The following CACNA2D3 variants were observed in gnomAD, a reference collection of about 807,000 sequenced individuals.
CACNA2D3 encodes the protein voltage-dependent calcium channel subunit alpha-2/delta-3.
Under a neutral mutation model 160.6 loss-of-function variants are expected in CACNA2D3, and 60 were observed. That is an observed-to-expected ratio of 0.37 (90% CI 0.30 to 0.46). The LOEUF (loss-of-function observed/expected upper bound fraction) is 0.46, where lower values mean the gene tolerates loss of function less well. CACNA2D3 is among the 20% of genes least tolerant of loss of function. The pLI is 1.00. For synonymous variants in CACNA2D3, 558 were observed against 492.9 expected (o/e 1.13, Z -1.75); for missense variants, 1,205 against 1,365.0 (o/e 0.88, Z 1.85).
At chr3:55,073,102 T>C (rs17054781) in intron 35 of CACNA2D3, among the ~76,000 whole-genome samples, 14,640 of 152,182 alleles carry the variant, frequency 0.096, 829 homozygotes, top group African/African-American at 0.15. Flanking sequence ...GTTTAGGCTC[T>C]GGGAGAAGGA....
rs536029809 is a variant in CACNA2D3 at position 55,004,676 on chromosome 3, A to G, written c.2691-87A>G. The stretch of plus-strand genomic sequence containing the variant: ...GTTTGTCACCGTTGCACTTGATGAT[A>G]GTGACTGCTCACCTTGTAGTACATA... On this transcript the variant is annotated intron_variant, in intron 31 of 37. Transcript: ENST00000474759. 8.8e-4 allele frequency: 741 copies of G among 840,186 alleles called. 1 individual carries two copies. The highest frequency in any genetic ancestry group is 1.3e-3 in the Non-Finnish European group (637 of 496,830). The allele number at this position is 840,186 out of a possible 1,614,324, so 52.0% of individuals were successfully genotyped here. A position where few individuals can be genotyped will look rare whatever the true frequency, so the allele number is the denominator to read the frequency against.
chr3:54,937,829 A>G (rs1665936314), intron 27 of CACNA2D3, among the ~76,000 whole-genome samples: 1 of 152,130 alleles, frequency 6.6e-6, no homozygotes, highest in Non-Finnish European at 1.5e-5. Flanking sequence ...GGGCATGATC[A>G]CAGCACAGAG....
At chr3:54,514,576 G>A (rs781206788) in intron 5 of CACNA2D3, among the ~76,000 whole-genome samples, 1 of 152,148 alleles carries the variant, frequency 6.6e-6, no homozygotes, top group Non-Finnish European at 1.5e-5. Flanking sequence ...GAAGGCAGGC[G>A]GGAAGTCAGC....
intron 2 of CACNA2D3, among the ~76,000 whole-genome samples, chr3:54,126,021 C>A (rs563277834): frequency 6.6e-6 from 1 of 152,120 alleles, no homozygotes; most frequent in African/African-American, 2.4e-5. Context: ...TCAAAGATGA[C>A]AATACTATGT....
chr3:54,237,405 GC>G (rs1338444320), intron 2 of CACNA2D3, among the ~76,000 whole-genome samples: 3 of 152,064 alleles, frequency 2.0e-5, no homozygotes, highest in Non-Finnish European at 2.9e-5. Flanking sequence ...CCTAGGGATG[GC>G]CCCGTTGCTC....
At chr3:54,469,721 T>G (rs1317432046) in intron 4 of CACNA2D3, among the ~76,000 whole-genome samples, 1 of 151,922 alleles carries the variant, frequency 6.6e-6, no homozygotes, top group Non-Finnish European at 1.5e-5. Context: ...CTAACCAGTT[T>G]AGAGAATAAC....
At chr3:54,753,598 T>C (rs773425243) in intron 12 of CACNA2D3, among the ~76,000 whole-genome samples, 2 of 152,238 alleles carry the variant, frequency 1.3e-5, no homozygotes, top group Non-Finnish European at 2.9e-5. Flanking sequence ...TAAACTTTTA[T>C]GTTAAGCCAC....
At chr3:54,761,551 T>TAAGAG (rs1484750016) in intron 12 of CACNA2D3, among the ~76,000 whole-genome samples, 1 of 152,244 alleles carries the variant, frequency 6.6e-6, no homozygotes, top group African/African-American at 2.4e-5. Context: ...ACCATGCCTC[T>TAAGAG]AAGAGGAACC....
At chr3:54,485,272 G>A (rs1575483082) in intron 4 of CACNA2D3, among the ~76,000 whole-genome samples, 2 of 152,308 alleles carry the variant, frequency 1.3e-5, no homozygotes, top group Admixed American at 1.3e-4. Flanking sequence ...CAAGTACCCT[G>A]GTTGAGCCCT....
chr3:54,845,720 C>T (rs1208919032), intron 16 of CACNA2D3, among the ~76,000 whole-genome samples: 1 of 152,180 alleles, frequency 6.6e-6, no homozygotes, highest in Non-Finnish European at 1.5e-5. Context: ...TTCCCATAGT[C>T]CCATTTAGTC....
intron 13 of CACNA2D3, among the ~76,000 whole-genome samples, chr3:54,811,439 TGTGCTGATCCTGTTCTCCCTCA>T (rs1559591300): frequency 7.0e-6 from 1 of 143,534 alleles, no homozygotes; most frequent in Non-Finnish European, 1.5e-5. Flanking sequence ...ACACCACCAG[TGTGCTGATCCTGTTCTCCCTCA>T]GTTCTTTTTT....
At chr3:54,890,765 G>A (rs1349097137) in intron 24 of CACNA2D3, among the ~76,000 whole-genome samples, 2 of 152,168 alleles carry the variant, frequency 1.3e-5, no homozygotes, top group African/African-American at 4.8e-5. Context: ...ATCTCTTTGG[G>A]GTTGGTGGTG....
chr3:54,723,043 C>G lies in CACNA2D3; in HGVS notation c.1168-29556C>G, dbSNP rs138116465. 7.5e-4 allele frequency among the ~76,000 whole-genome samples: 114 copies of G among 152,352 alleles called. No individual in the cohort carries two copies. In the East Asian group the frequency reaches 0.015, roughly 20 times the overall value. The stretch of plus-strand genomic sequence containing the variant: ...TGTCCCAGAGAGATGGGAGTTTTAT[C>G]TATAAGTCCCTGACTGAGGCTGCTG... On this transcript the variant is annotated intron_variant, in intron 11 of 37. Coordinates refer to ENST00000474759, the MANE Select transcript of CACNA2D3 (RefSeq NM_018398.3).
intron 2 of CACNA2D3, among the ~76,000 whole-genome samples, chr3:54,315,289 A>G (rs1472513187): frequency 6.6e-6 from 1 of 152,108 alleles, no homozygotes; most frequent in Non-Finnish European, 1.5e-5. Context: ...GAAGGCTCCA[A>G]GCTCACCCCG....
chr3:54,629,663 G>A (rs1457739059), intron 10 of CACNA2D3, among the ~76,000 whole-genome samples: 1 of 152,148 alleles, frequency 6.6e-6, no homozygotes, highest in Non-Finnish European at 1.5e-5. Context: ...TGACACAGCC[G>A]GCGAGGACAG....
intron 2 of CACNA2D3, among the ~76,000 whole-genome samples, chr3:54,163,657 C>T (rs1477788432): frequency 6.6e-6 from 1 of 152,096 alleles, no homozygotes; most frequent in Non-Finnish European, 1.5e-5. Flanking sequence ...AACTGCGAGC[C>T]ATTGGAGGCT....
intron 2 of CACNA2D3, among the ~76,000 whole-genome samples, chr3:54,159,073 A>G (rs1416243881): frequency 1.3e-5 from 2 of 152,134 alleles, no homozygotes; most frequent in Non-Finnish European, 2.9e-5. Context: ...AGTTTAAATC[A>G]TCCTTTTGAA....
intron 4 of CACNA2D3, among the ~76,000 whole-genome samples, chr3:54,471,285 C>T (rs956528183): frequency 6.6e-6 from 1 of 152,152 alleles, no homozygotes; most frequent in Non-Finnish European, 1.5e-5. Flanking sequence ...ACTGAATAAC[C>T]TGCTCCTGAA....
chr3:54,900,584 G>A (rs1001142560), intron 27 of CACNA2D3, among the ~76,000 whole-genome samples: 3 of 152,194 alleles, frequency 2.0e-5, no homozygotes, highest in South Asian at 2.1e-4. Context: ...TCTGGCACAT[G>A]GTTTATTCTG....
Sources: allele counts gnomAD v4.1 joint callset (sites outside exome capture counted in the v4.1 genomes callset), GRCh38; gene constraint gnomAD v4.1.1; transcripts MANE v1.5; gene names NCBI Gene and HGNC (gene_info 2026-07-23, HGNC 2026-07-21).